AGBL3: variants seen among roughly 807,000 people sequenced by gnomAD.
AGBL3 encodes the protein cytosolic carboxypeptidase 3.
A neutral mutation model predicts 94.5 loss-of-function variants in AGBL3; 68 were observed. The observed-to-expected ratio is 0.72, with a 90% CI of 0.59 to 0.88. The LOEUF is 0.88. AGBL3 is among the 40% of genes least tolerant of loss of function. The probability of loss-of-function intolerance (pLI) is 0.00; values close to 1 mark genes in which losing one functional copy is unlikely to be tolerated. For synonymous variants in AGBL3, 354 were observed against 370.7 expected (o/e 0.95, Z 0.52); for missense variants, 934 against 1,103.8 (o/e 0.85, Z 2.18).
At chr7:135,019,300 T>C (rs1167823843) in intron 5 of AGBL3, among the ~76,000 whole-genome samples, 1 of 152,212 alleles carries the variant, frequency 6.6e-6, no homozygotes, top group Non-Finnish European at 1.5e-5. Flanking sequence ...TGGAAATCCT[T>C]TTCATTTTCA....
At position 135,065,217 on chromosome 7, in the gene AGBL3, C is replaced by T. The variant is rs190312588; in HGVS notation, c.1908+5982C>T. ...AAATAAATGGAAAGTATTTTGTGTTCGTGAATCAGAAGAATTAATATTGTC... is the reference window on the plus strand; with the variant it reads ...AAATAAATGGAAAGTATTTTGTGTTTGTGAATCAGAAGAATTAATATTGTC... On this transcript the variant is annotated intron_variant, in intron 12 of 16. Transcript: ENST00000436302. Among the ~76,000 whole-genome samples the T allele has an allele frequency of 2.1e-3, 317 of 152,216 alleles. 2 individuals carry two copies. The highest frequency in any genetic ancestry group is 2.0e-3 in the Non-Finnish European group (137 of 68,004).
chr7:135,126,647 G>A (rs779531763), intron 16 of AGBL3, among the ~76,000 whole-genome samples: 6 of 151,868 alleles, frequency 4.0e-5, no homozygotes, highest in Non-Finnish European at 5.9e-5. Flanking sequence ...ACTGTACTAC[G>A]AGGCTACAGT....
chr7:135,048,935 A>G (rs1225426797), intron 11 of AGBL3, among the ~76,000 whole-genome samples: 2 of 151,832 alleles, frequency 1.3e-5, no homozygotes, highest in Admixed American at 1.3e-4. Flanking sequence ...CAAGGTGAGC[A>G]TCCTTGCCTT....
At chr7:135,066,692 T>C (rs1819339747) in intron 12 of AGBL3, among the ~76,000 whole-genome samples, 1 of 152,162 alleles carries the variant, frequency 6.6e-6, no homozygotes. Context: ...CTATTCACAA[T>C]AGCCAAGATG....
chr7:135,026,571 G>A (rs983451826), intron 5 of AGBL3, among the ~76,000 whole-genome samples: 18 of 151,654 alleles, frequency 1.2e-4, no homozygotes, highest in Admixed American at 1.3e-4. Flanking sequence ...CACCATGCCC[G>A]CCAGTGTCTT....
chr7:135,117,319 C>T lies in AGBL3; in HGVS notation c.2342+1708C>T, dbSNP rs139818645. Among the ~76,000 whole-genome samples, 319 of 152,102 alleles carry T rather than the reference C, an allele frequency of 2.1e-3. 1 individual carries two copies. The highest frequency in any genetic ancestry group is 7.0e-3 in the African/African-American group (291 of 41,512). ...GTTAACATGCAATTCACCTATTAAT[C>T]CACCTAGACCCTATTCATTTTGGCT... On this transcript the variant is annotated intron_variant, in intron 16 of 16. Transcript: ENST00000436302.
chr7:134,988,072 A>G, intron 2 of AGBL3, 76 bp downstream of exon 2: 2 of 1,065,594 alleles, frequency 1.9e-6, no homozygotes, highest in Non-Finnish European at 2.7e-6. Context: ...ATATTATAAA[A>G]TCAATTGGAT....
At chr7:135,108,024 G>A (rs1231933791) in intron 15 of AGBL3, among the ~76,000 whole-genome samples, 1 of 151,826 alleles carries the variant, frequency 6.6e-6, no homozygotes, top group East Asian at 1.9e-4. Flanking sequence ...TCTGAAATTA[G>A]GATTGCAACC....
intron 16 of AGBL3, among the ~76,000 whole-genome samples, chr7:135,127,422 G>A (rs1270830498): frequency 1.3e-5 from 2 of 151,994 alleles, no homozygotes; most frequent in Non-Finnish European, 2.9e-5. Flanking sequence ...GTGTGGTGGC[G>A]CACGCCTGTA....
In AGBL3 at chr7:134,987,932, A is replaced by G. The variant is rs1345020371; in HGVS notation, c.-2A>G. On this transcript the variant is annotated 5_prime_UTR_variant, in exon 2 of 17. Transcript: ENST00000436302. ...GAAATCTCAAGTCAAACACTGGAAAAGATGTCAGAAGATTCAGAAAAGGAA... is the reference window on the plus strand; with the variant it reads ...GAAATCTCAAGTCAAACACTGGAAAGGATGTCAGAAGATTCAGAAAAGGAA... The G allele has an allele frequency of 6.5e-7, 1 of 1,547,092 alleles. No individual in the cohort carries two copies. Among genetic ancestry groups the G allele is most frequent in the Admixed American group, 2.0e-5 (1 of 50,210 alleles).
At chr7:135,112,215 G>T (rs1243720743) in intron 15 of AGBL3, among the ~76,000 whole-genome samples, 1 of 152,076 alleles carries the variant, frequency 6.6e-6, no homozygotes, top group Non-Finnish European at 1.5e-5. Flanking sequence ...CTCCTAATTT[G>T]TCTCCCTGCC....
intron 12 of AGBL3, 22 bp downstream of exon 12, chr7:135,059,257 T>C (rs778413816): frequency 7.9e-6 from 12 of 1,527,502 alleles, no homozygotes; most frequent in Non-Finnish European, 1.1e-5. Flanking sequence ...CATTTTTGCT[T>C]ATATGTGGAT....
intron 4 of AGBL3, among the ~76,000 whole-genome samples, chr7:135,014,147 G>A (rs1255360273): frequency 7.1e-6 from 1 of 140,492 alleles, no homozygotes; most frequent in Non-Finnish European, 1.5e-5. Flanking sequence ...AGTGAGCTGA[G>A]ATCATGCCAC....
At chr7:135,003,102 A>G (rs1261364906) in intron 4 of AGBL3, among the ~76,000 whole-genome samples, 2 of 151,964 alleles carry the variant, frequency 1.3e-5, no homozygotes, top group African/African-American at 2.4e-5. Context: ...TGAAATTTTC[A>G]TACTTCTTAG....
chr7:135,072,619 A>G (rs1450112771), intron 12 of AGBL3, among the ~76,000 whole-genome samples: 4 of 152,178 alleles, frequency 2.6e-5, no homozygotes, highest in East Asian at 3.9e-4. Flanking sequence ...TTGTAGGGAC[A>G]TGGATGAAGC....
intron 5 of AGBL3, among the ~76,000 whole-genome samples, chr7:135,025,021 G>C (rs560536497): frequency 1.3e-4 from 20 of 151,684 alleles, no homozygotes; most frequent in Non-Finnish European, 2.8e-4. Flanking sequence ...GGGAAGGAGA[G>C]AGAGTAAGCA....
intron 5 of AGBL3, among the ~76,000 whole-genome samples, chr7:135,028,948 T>C (rs868801360): frequency 1.3e-5 from 2 of 152,236 alleles, no homozygotes; most frequent in Non-Finnish European, 1.5e-5. Flanking sequence ...GGTGACTAGA[T>C]GCATTGTCAA....
At chr7:135,126,403 G>A (rs533447597) in intron 16 of AGBL3, among the ~76,000 whole-genome samples, 2 of 152,236 alleles carry the variant, frequency 1.3e-5, no homozygotes, top group African/African-American at 2.4e-5. Flanking sequence ...ACAAACAAGC[G>A]GAAAAACATT....
At chr7:135,063,509 A>T (rs1307862028) in intron 12 of AGBL3, among the ~76,000 whole-genome samples, 1 of 151,418 alleles carries the variant, frequency 6.6e-6, no homozygotes, top group Non-Finnish European at 1.5e-5. Context: ...GTAGGTGTTT[A>T]TTGATATGAA....
Sources: allele counts gnomAD v4.1 joint callset (sites outside exome capture counted in the v4.1 genomes callset), GRCh38; gene constraint gnomAD v4.1.1; transcripts MANE v1.5; gene names NCBI Gene and HGNC (gene_info 2026-07-23, HGNC 2026-07-21).